RELN: variants seen among roughly 807,000 people sequenced by gnomAD.
RELN encodes reelin.
Under a neutral mutation model 427.6 loss-of-function variants are expected in RELN, and 108 were observed. The observed-to-expected ratio is 0.25, with a 90% CI of 0.22 to 0.30. The LOEUF is 0.30. Among genes scored for constraint, RELN ranks in the 10% least tolerant of loss-of-function variants. RELN has a pLI of 1.00. For synonymous variants in RELN, 1,524 were observed against 1,513.4 expected (o/e 1.01, Z -0.16); for missense variants, 3,715 against 4,302.8 (o/e 0.86, Z 3.82).
chr7:103,852,257 A>G (rs1793840182), intron 2 of RELN, among the ~76,000 whole-genome samples: 1 of 149,734 alleles, frequency 6.7e-6, no homozygotes, highest in Non-Finnish European at 1.5e-5. Context: ...TCTCTTCTCC[A>G]TGATATTTCA....
At chr7:103,536,136 T>C (rs1270307522) in intron 45 of RELN, among the ~76,000 whole-genome samples, 3 of 152,188 alleles carry the variant, frequency 2.0e-5, no homozygotes, top group African/African-American at 7.2e-5. Flanking sequence ...CTTCTGCTTA[T>C]ATATCTTGCT....
chr7:103,680,850 C>G (rs908642872), intron 11 of RELN, among the ~76,000 whole-genome samples: 6 of 152,060 alleles, frequency 3.9e-5, no homozygotes, highest in Non-Finnish European at 8.8e-5. Flanking sequence ...GGCTAAAGGA[C>G]TGAGCCTTGG....
rs143831830 is a variant in RELN at position 103,641,430 on chromosome 7, A to T, written c.2003-821T>A. Among the ~76,000 whole-genome samples the T allele has an allele frequency of 3.7e-3, 563 of 152,314 alleles. 5 individuals carry two copies. Among genetic ancestry groups the T allele is most frequent in the African/African-American group, 0.013 (545 of 41,572 alleles). ...TTAATACCTGCCAATTAACAGGTGG[A>T]GTAATTCAAATTCAATGAATTGTAG... On this transcript the variant is annotated intron_variant, in intron 16 of 64. Transcript: ENST00000428762.
At chr7:103,652,495 G>C in intron 14 of RELN, 56 bp downstream of exon 14, 1 of 1,411,102 alleles carries the variant, frequency 7.1e-7, no homozygotes. Flanking sequence ...TTATTTAATA[G>C]CCAAATCTGC....
In RELN at chr7:103,540,443, G is replaced by T; in HGVS notation, c.6684C>A (p.Phe2228Leu). Residue 2228 changes from phenylalanine (F) to leucine (L), a missense_variant, in exon 44 of 65, where the codon TTC becomes TTA. Transcript: ENST00000428762. ...LDLSHARFVQ[F>L]FMRLGCGKGV... is the part of the protein sequence containing the mutation. ...CTTTACCACATCCCAGTCTCATGAA[G>T]AACTGCACAAATCTGACATTTGTAA... 3 of 1,613,868 alleles carry T rather than the reference G, an allele frequency of 1.9e-6. No individual in the cohort carries two copies. The highest frequency in any genetic ancestry group is 2.5e-6 in the Non-Finnish European group (3 of 1,179,990).
intron 1 of RELN, among the ~76,000 whole-genome samples, chr7:103,927,488 G>T (rs1433161761): frequency 6.6e-6 from 1 of 152,068 alleles, no homozygotes; most frequent in Non-Finnish European, 1.5e-5. Flanking sequence ...AAGATTTTCA[G>T]ATTAAAATAA....
At position 103,620,996 on chromosome 7, in the gene RELN, T is replaced by C. The variant is rs537863755; in HGVS notation, c.2702+8944A>G. ...AGGAATCTTTGAAATTATCTTTCTTTTTCCTTCCAACTCTGTGCAACCACG... is the reference window on the plus strand; with the variant it reads ...AGGAATCTTTGAAATTATCTTTCTTCTTCCTTCCAACTCTGTGCAACCACG... On this transcript the variant is annotated intron_variant, in intron 20 of 64. Transcript: ENST00000428762. The surrounding 1 kb of genome is among the most constrained non-coding windows in gnomAD (Gnocchi z 4.1). 6.6e-6 allele frequency among the ~76,000 whole-genome samples: 1 copy of C among 152,324 alleles called. No individual in the cohort carries two copies. Among genetic ancestry groups the C allele is most frequent in the Non-Finnish European group, 1.5e-5 (1 of 68,034 alleles).
chr7:103,854,810 G>T (rs1458339063), intron 2 of RELN, among the ~76,000 whole-genome samples: 2 of 152,184 alleles, frequency 1.3e-5, no homozygotes, highest in Non-Finnish European at 2.9e-5. Context: ...TTGTGGAATT[G>T]TAATCTAGCC....
chr7:103,744,351 G>A (rs1790757633), intron 6 of RELN, among the ~76,000 whole-genome samples: 1 of 151,868 alleles, frequency 6.6e-6, no homozygotes, highest in Non-Finnish European at 1.5e-5. Context: ...ACAATTAAAA[G>A]AACTAGAAAA....
At chr7:103,542,708 C>CA (rs772559907) in intron 43 of RELN, 23 bp downstream of exon 43, 29 of 1,612,600 alleles carry the variant, frequency 1.8e-5, no homozygotes, top group Non-Finnish European at 2.5e-5. Flanking sequence ...TGGTTTTTTT[C>CA]AACAGCATCT....
chr7:103,959,927 T>C (rs1471675089), intron 1 of RELN, among the ~76,000 whole-genome samples: 1 of 152,068 alleles, frequency 6.6e-6, no homozygotes, highest in African/African-American at 2.4e-5. Context: ...ACATCTCACC[T>C]TCAACAAATT....
rs115139465 is a variant in RELN at position 103,728,036 on chromosome 7, T to C, written c.753+75A>G. 113 of 1,396,612 alleles carry C rather than the reference T, an allele frequency of 8.1e-5. No individual in the cohort carries two copies. In the African/African-American group the frequency reaches 1.4e-3, roughly 17 times the overall value. The allele number at this position is 1,396,612 out of a possible 1,614,324, so 86.5% of individuals were successfully genotyped here. A position where few individuals can be genotyped will look rare whatever the true frequency, so the allele number is the denominator to read the frequency against. Reference sequence around the variant, plus strand: ...AATTTTCATCTGAACTTTAAGAGCATAAGAAAAACTTTTGTTGGCAAAAAG... The same window carrying C: ...AATTTTCATCTGAACTTTAAGAGCACAAGAAAAACTTTTGTTGGCAAAAAG... On this transcript the variant is annotated intron_variant, in intron 7 of 64. Transcript: ENST00000428762.
At position 103,496,531 on chromosome 7, in the gene RELN, T is replaced by C. The variant is rs752255105; in HGVS notation, c.9188A>G (p.Asp3063Gly). 6.2e-7 allele frequency: 1 copy of C among 1,614,024 alleles called. No individual in the cohort carries two copies. The highest frequency in any genetic ancestry group is 8.5e-7 in the Non-Finnish European group (1 of 1,180,006). Reference sequence around the variant, plus strand: ...TTCAATGTCTTGTTTCTTACCATCATCAAAAGTGTCCACCAATTGGCTGGG... The same window carrying C: ...TTCAATGTCTTGTTTCTTACCATCACCAAAAGTGTCCACCAATTGGCTGGG... ...INPSQLVDTF[D>G]DEGTSHEENW... Residue 3063 changes from aspartate to glycine, a missense_variant, in exon 56 of 65, where the codon GAT becomes GGT. By Grantham distance (94) the Asp-to-Gly change is moderately conservative. Around this residue, in one of 4 missense-constraint regions of RELN, gnomAD observed 1,310 missense variants for 1,643.0 expected, o/e 0.80. Coordinates refer to ENST00000428762, the MANE Select transcript of RELN (RefSeq NM_005045.4).
At chr7:103,659,832 T>A (rs1833099500) in intron 12 of RELN, among the ~76,000 whole-genome samples, 1 of 152,174 alleles carries the variant, frequency 6.6e-6, no homozygotes, top group Non-Finnish European at 1.5e-5. Flanking sequence ...AGCAACTCTG[T>A]GATTTAGGTG....
At chr7:103,882,953 T>C (rs572267392) in intron 2 of RELN, among the ~76,000 whole-genome samples, 2 of 152,310 alleles carry the variant, frequency 1.3e-5, no homozygotes, top group Admixed American at 1.3e-4. Context: ...AGCATCATCG[T>C]GATACCAAAA....
Position 103,603,572 on chromosome 7 carries a change from G to A in RELN, c.3147-82C>T. The A allele has an allele frequency of 1.9e-6, 2 of 1,076,980 alleles. No individual in the cohort carries two copies. Among genetic ancestry groups the A allele is most frequent in the Non-Finnish European group, 2.9e-6 (2 of 694,310 alleles). The allele number at this position is 1,076,980 out of a possible 1,614,324, so 66.7% of individuals were successfully genotyped here. A position where few individuals can be genotyped will look rare whatever the true frequency, so the allele number is the denominator to read the frequency against. On this transcript the variant is annotated intron_variant, in intron 23 of 64. Coordinates refer to ENST00000428762, the MANE Select transcript of RELN (RefSeq NM_005045.4). The surrounding 1 kb of genome is among the most constrained non-coding windows in gnomAD (Gnocchi z 4.3). ...CCCTCTGACCTCAACCATTTCCCAT[G>A]TCTTACTTTTGCTCAGGTCTTATCA...
In RELN at chr7:103,542,834, G is replaced by A; in HGVS notation, c.6568C>T (p.Pro2190Ser). 1 of 1,614,060 alleles carries A rather than the reference G, an allele frequency of 6.2e-7. No homozygotes were observed. The highest frequency in any genetic ancestry group is 8.5e-7 in the Non-Finnish European group (1 of 1,179,990). The change falls in exon 43 of 65, where the codon CCA becomes TCA. Residue 2190 changes from proline to serine, a missense_variant. Physicochemically the swap from Pro to Ser is moderately conservative, Grantham distance 74 (BLOSUM62 -1). This residue lies in a region of RELN where 1,310 missense variants were observed against 1,643.0 expected (regional missense o/e 0.80). Coordinates refer to ENST00000428762, the MANE Select transcript of RELN (RefSeq NM_005045.4). ...GAAAGGATTCCACACTTTCGAGATG[G>A]TTTCCCACCACTCATTAATAAGAAT... ...DRFLLMSGGK[P>S]SRKCGILSSG...
At chr7:103,611,512 C>T in intron 21 of RELN, 99 bp downstream of exon 21, 1 of 913,058 alleles carries the variant, frequency 1.1e-6, no homozygotes, top group Non-Finnish European at 1.7e-6. Context: ...TCTTTTCAAC[C>T]AAACCTAAAC....
At chr7:103,755,206 G>C (rs1360545411) in intron 4 of RELN, among the ~76,000 whole-genome samples, 1 of 151,786 alleles carries the variant, frequency 6.6e-6, no homozygotes, top group Non-Finnish European at 1.5e-5. Flanking sequence ...CTGTAATCCC[G>C]GCACTTTGGG....
Sources: allele counts gnomAD v4.1 joint callset (sites outside exome capture counted in the v4.1 genomes callset), GRCh38; gene constraint gnomAD v4.1.1; regional missense constraint gnomAD v4.1.1; non-coding constraint Gnocchi (gnomAD v3.1); transcripts MANE v1.5; gene names NCBI Gene and HGNC (gene_info 2026-07-23, HGNC 2026-07-21).